The following RPS6KA2 variants were observed in gnomAD, a reference collection of about 807,000 sequenced individuals.
The protein encoded by RPS6KA2 is ribosomal protein S6 kinase alpha-2.
Under a neutral mutation model 91.8 loss-of-function variants are expected in RPS6KA2, and 42 were observed. The observed-to-expected ratio is 0.46, with a 90% CI of 0.36 to 0.59. RPS6KA2 has a LOEUF of 0.59. Among genes scored for constraint, RPS6KA2 ranks in the 20% least tolerant of loss-of-function variants. The pLI is 0.00. For synonymous variants in RPS6KA2, 414 were observed against 393.6 expected (o/e 1.05, Z -0.61); for missense variants, 798 against 978.5 (o/e 0.82, Z 2.46).
intron 2 of RPS6KA2, among the ~76,000 whole-genome samples, chr6:166,827,529 C>T (rs536634709): frequency 4.6e-5 from 7 of 152,156 alleles, no homozygotes; most frequent in Non-Finnish European, 1.0e-4. Flanking sequence ...TTGCAATGCT[C>T]TACTCGCAAA....
At chr6:166,773,589 A>T (rs945633694) in intron 2 of RPS6KA2, among the ~76,000 whole-genome samples, 1 of 151,834 alleles carries the variant, frequency 6.6e-6, no homozygotes, top group Non-Finnish European at 1.5e-5. Context: ...TTTAGCGGAG[A>T]CAGGGTTTCA....
Position 166,728,074 on chromosome 6 carries a change from C to CT in RPS6KA2, c.123+130125dup, listed in dbSNP as rs142270528. Among the ~76,000 whole-genome samples the CT allele has an allele frequency of 7.2e-5, 11 of 152,296 alleles. No individual in the cohort carries two copies. The East Asian group carries it at 2.1e-3, about 29-fold the overall frequency. On this transcript the variant is annotated intron_variant, in intron 2 of 21. Coordinates refer to the RPS6KA2 transcript ENST00000503859. ...CCTTGCATTGGGTATTATAAGTAAT[C>CT]TAGAGATAATTACAGAATACAGAAG...
At chr6:166,616,791 AG>A (rs1786432260) in intron 1 of RPS6KA2, among the ~76,000 whole-genome samples, 1 of 151,162 alleles carries the variant, frequency 6.6e-6, no homozygotes, top group Non-Finnish European at 1.5e-5. Context: ...GGGCTCACAC[AG>A]GGGCAGTGAG....
intron 2 of RPS6KA2, among the ~76,000 whole-genome samples, chr6:166,725,919 G>A (rs1298005051): frequency 1.3e-5 from 2 of 152,216 alleles, no homozygotes; most frequent in African/African-American, 4.8e-5. Flanking sequence ...AGCTTTGAGA[G>A]GAGCTCACAG....
At chr6:166,641,450 G>GT (rs1787428685) in intron 2 of RPS6KA2, among the ~76,000 whole-genome samples, 1 of 151,842 alleles carries the variant, frequency 6.6e-6, no homozygotes, top group Non-Finnish European at 1.5e-5. Context: ...TTGGCCAGGT[G>GT]TGGTGGCTCA....
Position 166,563,564 on chromosome 6 carries a change from C to A in RPS6KA2, c.100-24780G>T, listed in dbSNP as rs946205626. Among the ~76,000 whole-genome samples the A allele has an allele frequency of 6.6e-6, 1 of 152,044 alleles. No homozygotes were observed. The highest frequency in any genetic ancestry group is 2.4e-5 in the African/African-American group (1 of 41,398). On this transcript the variant is annotated intron_variant, in intron 1 of 20. Transcript: ENST00000265678. This position sits in a 1 kb window ranked among gnomAD's most constrained non-coding sequence, Gnocchi z 4.1. ...TGAGCGGCTGACCAGTCACCAGACT[C>A]ACCCCCACCCGCCCTCTCCCCTCCA...
intron 1 of RPS6KA2, chr6:166,586,293 C>T (rs1785171009): frequency 1.3e-6 from 2 of 1,598,518 alleles, no homozygotes; most frequent in Non-Finnish European, 1.7e-6. Context: ...TCTGAACTGT[C>T]TGTTGTCTTG....
In RPS6KA2 at chr6:166,601,302, C is replaced by T. The variant is rs142128204; in HGVS notation, c.99+25619G>A. On this transcript the variant is annotated intron_variant, in intron 1 of 20. Coordinates refer to ENST00000265678, the MANE Select transcript of RPS6KA2 (RefSeq NM_021135.6). Reference sequence around the variant, plus strand: ...TGATGCAAATACTGACAGCTTAAATCGACATAGCACTCCATTGGTTACAAA... The same window carrying T: ...TGATGCAAATACTGACAGCTTAAATTGACATAGCACTCCATTGGTTACAAA... Among the ~76,000 whole-genome samples the T allele has an allele frequency of 2.0e-4, 30 of 152,266 alleles. No homozygotes were observed. In the East Asian group the frequency reaches 4.8e-3, roughly 24 times the overall value.
At chr6:166,667,629 C>A (rs897821238) in intron 2 of RPS6KA2, among the ~76,000 whole-genome samples, 1 of 152,150 alleles carries the variant, frequency 6.6e-6, no homozygotes, top group Non-Finnish European at 1.5e-5. Flanking sequence ...ACCTGAGGAC[C>A]ACTTGGGTGG....
intron 1 of RPS6KA2, among the ~76,000 whole-genome samples, chr6:166,618,847 G>C (rs1786512440): frequency 6.6e-6 from 1 of 152,236 alleles, no homozygotes; most frequent in Non-Finnish European, 1.5e-5. Flanking sequence ...TGACACCGCA[G>C]TACGACGCGC....
intron 1 of RPS6KA2, among the ~76,000 whole-genome samples, chr6:166,608,680 A>G (rs1420735837): frequency 6.6e-6 from 1 of 152,166 alleles, no homozygotes; most frequent in Non-Finnish European, 1.5e-5. Flanking sequence ...TTTTTTTCCT[A>G]TGAGGCCTAC....
intron 2 of RPS6KA2, among the ~76,000 whole-genome samples, chr6:166,652,200 G>A (rs1321284129): frequency 3.3e-5 from 5 of 152,190 alleles, no homozygotes; most frequent in Non-Finnish European, 7.3e-5. Context: ...CCATTCGCGG[G>A]TATTATATCT....
chr6:166,473,743 G>A (rs894181841), intron 10 of RPS6KA2, among the ~76,000 whole-genome samples: 13 of 152,014 alleles, frequency 8.6e-5, no homozygotes, highest in Non-Finnish European at 1.3e-4. Flanking sequence ...ACCCATCTCC[G>A]ACACTTCTGG....
chr6:166,416,791 C>A (rs983425965), intron 19 of RPS6KA2, among the ~76,000 whole-genome samples: 6 of 151,674 alleles, frequency 4.0e-5, no homozygotes, highest in Admixed American at 1.3e-4. Context: ...ACAATCATTC[C>A]CTCCACCATG....
intron 2 of RPS6KA2, among the ~76,000 whole-genome samples, chr6:166,775,712 C>G (rs1778598407): frequency 6.6e-6 from 1 of 152,256 alleles, no homozygotes; most frequent in Admixed American, 6.5e-5. Context: ...TTGCTGGCTT[C>G]AGGGCTGCAG....
intron 2 of RPS6KA2, among the ~76,000 whole-genome samples, chr6:166,853,895 A>T (rs1313627409): frequency 2.6e-5 from 4 of 152,228 alleles, no homozygotes; most frequent in South Asian, 2.1e-4. Flanking sequence ...CAGGATGGGG[A>T]GAGGCCAGAG....
intron 3 of RPS6KA2, among the ~76,000 whole-genome samples, chr6:166,530,948 C>A (rs1783252994): frequency 6.6e-6 from 1 of 152,270 alleles, no homozygotes; most frequent in Admixed American, 6.5e-5. Flanking sequence ...CTGCTCGCAG[C>A]CTGCTGCTCT....
At chr6:166,499,280 C>T (rs1781927192) in intron 7 of RPS6KA2, among the ~76,000 whole-genome samples, 2 of 152,328 alleles carry the variant, frequency 1.3e-5, no homozygotes, top group African/African-American at 4.8e-5. Context: ...GCCCCCAAGT[C>T]TTGGGGATGA....
rs1790704549 is a variant in RPS6KA2, at chr6:166,737,602, C to T, written c.123+120598G>A. 6.6e-6 allele frequency among the ~76,000 whole-genome samples: 1 copy of T among 152,182 alleles called. No homozygotes were observed. The highest frequency in any genetic ancestry group is 2.4e-5 in the African/African-American group (1 of 41,442). ...TGAGCTTTTTCACAGGAAACTACTA[C>T]TGACTCCTTTTAAGCTTCTAAGACA... On this transcript the variant is annotated intron_variant, in intron 2 of 21. Transcript: ENST00000503859. The surrounding 1 kb of genome is among the most constrained non-coding windows in gnomAD (Gnocchi z 4.3).
Sources: gnomAD v4.1 joint callset for allele counts (sites outside exome capture counted in the v4.1 genomes callset) on GRCh38, gnomAD v4.1.1 for gene constraint, Gnocchi (gnomAD v3.1) non-coding constraint, MANE v1.5 for transcripts, NCBI Gene and HGNC (gene_info 2026-07-23, HGNC 2026-07-21) for gene names.